The following CRTC3 variants were observed in gnomAD, a reference collection of about 807,000 sequenced individuals.
CRTC3 encodes CREB regulated transcription coactivator 3.
In CRTC3, 26 loss-of-function variants were observed where a neutral mutation model predicts 74.5. The ratio of observed to expected loss-of-function variants is 0.35; its 90% CI spans 0.26 to 0.48. The LOEUF (loss-of-function observed/expected upper bound fraction) is 0.48. Among genes scored for constraint, CRTC3 ranks in the 20% least tolerant of loss-of-function variants. CRTC3 has a pLI of 0.99. For missense variants in CRTC3, 760 were observed against 787.3 expected (o/e 0.97, Z 0.41); for synonymous variants, 377 against 325.8 (o/e 1.16, Z -1.69).
At chr15:90,588,994 TG>T (rs1439937343) in intron 2 of CRTC3, among the ~76,000 whole-genome samples, 1 of 152,232 alleles carries the variant, frequency 6.6e-6, no homozygotes, top group Non-Finnish European at 1.5e-5. Flanking sequence ...GAACTTGAAC[TG>T]TTTCTTTGAC....
chr15:90,557,308 C>A (rs1966914541), intron 2 of CRTC3, among the ~76,000 whole-genome samples: 1 of 152,166 alleles, frequency 6.6e-6, no homozygotes, highest in African/African-American at 2.4e-5. Flanking sequence ...CTTCTCTCTC[C>A]CCCACATTTT....
chr15:90,613,167 AGT>A lies in CRTC3; in HGVS notation c.578-1284_578-1283del, dbSNP rs1459065842. On this transcript the variant is annotated intron_variant, in intron 6 of 14. Coordinates refer to ENST00000268184, the MANE Select transcript of CRTC3 (RefSeq NM_022769.5). The stretch of plus-strand genomic sequence containing the variant: ...CACCGCACTCCAGCCTGGGCAACAA[AGT>A]GAGACTCTGTCTCGGGAAAAAAAAA... Among the ~76,000 whole-genome samples the A allele has an allele frequency of 2.1e-5, 3 of 146,092 alleles. 1 individual carries two copies. The highest frequency in any genetic ancestry group is 4.5e-5 in the Non-Finnish European group (3 of 66,884).
chr15:90,564,562 A>C (rs16944572), intron 2 of CRTC3, among the ~76,000 whole-genome samples: 1,823 of 152,232 alleles, frequency 0.012, 36 homozygotes, highest in African/African-American at 0.042. Flanking sequence ...CCCCGAGACT[A>C]GTCCCTGCAG....
chr15:90,540,241 A>G, intron 2 of CRTC3, 104 bp downstream of exon 2: 1 of 746,838 alleles, frequency 1.3e-6, no homozygotes, highest in South Asian at 1.8e-5. Context: ...GGGCCTAGGT[A>G]CAGTTCAGTC....
At chr15:90,586,754 T>A (rs527605613) in intron 2 of CRTC3, among the ~76,000 whole-genome samples, 7 of 152,364 alleles carry the variant, frequency 4.6e-5, no homozygotes, top group Admixed American at 3.9e-4. Context: ...ATTACATTTC[T>A]CCTGTTTTTA....
At chr15:90,590,633 T>G (rs192314950) in intron 2 of CRTC3, among the ~76,000 whole-genome samples, 1 of 152,296 alleles carries the variant, frequency 6.6e-6, no homozygotes, top group African/African-American at 2.4e-5. Flanking sequence ...GTGCTGGGAT[T>G]ACAGGTCTGA....
At chr15:90,555,505 CT>C (rs1338109359) in intron 2 of CRTC3, among the ~76,000 whole-genome samples, 6 of 152,022 alleles carry the variant, frequency 3.9e-5, no homozygotes, top group African/African-American at 1.4e-4. Flanking sequence ...TGTTCTTTTT[CT>C]TTTTTCTTTT....
chr15:90,609,908 G>A (rs921453553), intron 6 of CRTC3, among the ~76,000 whole-genome samples: 1 of 152,198 alleles, frequency 6.6e-6, no homozygotes, highest in African/African-American at 2.4e-5. Flanking sequence ...AAATTGTTGG[G>A]CTACAATATC....
chr15:90,568,988 G>A (rs1010493962), intron 2 of CRTC3, among the ~76,000 whole-genome samples: 2 of 121,186 alleles, frequency 1.7e-5, no homozygotes, highest in South Asian at 3.0e-4. Flanking sequence ...CAAGTATAAC[G>A]AAACTTTTTT....
intron 2 of CRTC3, among the ~76,000 whole-genome samples, chr15:90,552,093 A>G (rs1966860012): frequency 6.6e-6 from 1 of 152,196 alleles, no homozygotes; most frequent in Non-Finnish European, 1.5e-5. Context: ...TTGATTAATA[A>G]ATAATTGAAT....
chr15:90,617,597 A>T (rs976904329), intron 7 of CRTC3, among the ~76,000 whole-genome samples: 16 of 152,004 alleles, frequency 1.1e-4, no homozygotes, highest in African/African-American at 3.4e-4. Flanking sequence ...TGGCACCGTC[A>T]TGACTCAGTG....
intron 6 of CRTC3, 54 bp downstream of exon 6, chr15:90,607,532 G>A (rs988574750): frequency 9.0e-7 from 1 of 1,115,842 alleles, no homozygotes; most frequent in Non-Finnish European, 1.3e-6. Flanking sequence ...TTCTGTCCTA[G>A]GAACCAAGGG....
At chr15:90,632,510 G>T (rs1272564201) in intron 11 of CRTC3, among the ~76,000 whole-genome samples, 1 of 152,216 alleles carries the variant, frequency 6.6e-6, no homozygotes, top group Non-Finnish European at 1.5e-5. Flanking sequence ...TAAAGGGCTT[G>T]TTATAGAAAA....
chr15:90,639,516 C>G (rs1229728422), intron 13 of CRTC3, among the ~76,000 whole-genome samples: 3 of 142,778 alleles, frequency 2.1e-5, no homozygotes, highest in Non-Finnish European at 4.5e-5. Context: ...GTGGCGTGAT[C>G]TCGGCTTACT....
rs76408192 is a variant in CRTC3 at position 90,565,881 on chromosome 15, A to G, written c.231+25744A>G. Among the ~76,000 whole-genome samples the G allele has an allele frequency of 8.9e-3, 1,354 of 152,246 alleles. 47 individuals carry two copies. In the East Asian group the frequency reaches 0.12, roughly 13 times the overall value. On this transcript the variant is annotated intron_variant, in intron 2 of 14. Transcript: ENST00000268184. The stretch of plus-strand genomic sequence containing the variant: ...GGCCTCCCTCTTCCCTGAGATAACA[A>G]TATTGAAATTAGGCCTCTAAGTGTT...
At chr15:90,566,542 T>C (rs1408634143) in intron 2 of CRTC3, among the ~76,000 whole-genome samples, 4 of 97,526 alleles carry the variant, frequency 4.1e-5, no homozygotes, top group Non-Finnish European at 9.8e-5. Flanking sequence ...AGACCAAGAC[T>C]CTGTCTATTA....
chr15:90,598,437 T>G, intron 3 of CRTC3: 1 of 703,004 alleles, frequency 1.4e-6, no homozygotes, highest in Non-Finnish European at 2.6e-6. Context: ...CTGTTCCCTC[T>G]AACACTCCAC....
chr15:90,617,594 G>A (rs944294717), intron 7 of CRTC3, among the ~76,000 whole-genome samples: 19 of 152,112 alleles, frequency 1.2e-4, no homozygotes, highest in African/African-American at 3.9e-4. Context: ...CAGTGGCACC[G>A]TCATGACTCA....
chr15:90,588,681 G>A (rs1250716898), intron 2 of CRTC3, among the ~76,000 whole-genome samples: 1 of 74,442 alleles, frequency 1.3e-5, no homozygotes, highest in African/African-American at 3.8e-5. Flanking sequence ...GATGGTGCCT[G>A]AGCTGTAGGA....
Sources: gnomAD v4.1 joint callset for allele counts (sites outside exome capture counted in the v4.1 genomes callset) on GRCh38, gnomAD v4.1.1 for gene constraint, MANE v1.5 for transcripts, NCBI Gene and HGNC (gene_info 2026-07-23, HGNC 2026-07-21) for gene names.